ILKAP: variants seen among roughly 807,000 people sequenced by gnomAD.
ILKAP encodes the protein integrin-linked kinase-associated serine/threonine phosphatase 2C.
In ILKAP, 11 loss-of-function variants were observed where a neutral mutation model predicts 49.1. That is an observed-to-expected ratio of 0.22 (90% CI 0.14 to 0.37). The LOEUF is 0.37. ILKAP is among the 10% of genes least tolerant of loss of function. The probability of loss-of-function intolerance (pLI) is 1.00; values close to 1 mark genes in which losing one functional copy is unlikely to be tolerated. For missense variants in ILKAP, 363 were observed against 510.8 expected (o/e 0.71, Z 2.79); for synonymous variants, 186 against 192.8 (o/e 0.96, Z 0.29).
chr2:238,186,987 C>T (rs1419688026), intron 5 of ILKAP: 2 of 152,300 alleles, frequency 1.3e-5, no homozygotes, highest in Admixed American at 6.5e-5. Context: ...TATGGTGGCT[C>T]ATGCGAGTAA....
chr2:238,170,689 A>T lies in ILKAP; in HGVS notation c.1039-13T>A. 1 of 1,593,196 alleles carries T rather than the reference A, an allele frequency of 6.3e-7. No homozygotes were observed. Among genetic ancestry groups the T allele is most frequent in the Non-Finnish European group, 8.6e-7 (1 of 1,164,804 alleles). On this transcript the variant is annotated splice_polypyrimidine_tract_variant and intron_variant, in intron 11 of 11. Transcript: ENST00000254654. ...GGATCTTTTCATCCTACCAGATGAG[A>T]AAGGGAATGAGTGAATGGAGTGACC...
At chr2:238,197,646 C>T (rs1694400258) in intron 1 of ILKAP, among the ~76,000 whole-genome samples, 1 of 152,164 alleles carries the variant, frequency 6.6e-6, no homozygotes, top group Non-Finnish European at 1.5e-5. Context: ...GCCGCCTCTC[C>T]TCTGGCTACA....
intron 10 of ILKAP, among the ~76,000 whole-genome samples, chr2:238,171,956 G>A (rs1479779115): frequency 2.0e-5 from 3 of 152,138 alleles, no homozygotes; most frequent in East Asian, 1.9e-4. Context: ...TGGGGAATAC[G>A]CATCCCCACA....
At chr2:238,182,036 C>T in intron 9 of ILKAP, 29 bp downstream of exon 9, 1 of 1,611,104 alleles carries the variant, frequency 6.2e-7, no homozygotes, top group Non-Finnish European at 8.5e-7. Flanking sequence ...GCCCTCCTTC[C>T]CATGAGCTCC....
intron 9 of ILKAP, among the ~76,000 whole-genome samples, chr2:238,180,942 A>G (rs991562333): frequency 6.6e-6 from 1 of 152,256 alleles, no homozygotes; most frequent in East Asian, 1.9e-4. Context: ...GACTGTCCAC[A>G]GTAGTTACCA....
At chr2:238,182,392 C>T (rs1209259642) in intron 8 of ILKAP, among the ~76,000 whole-genome samples, 1 of 152,180 alleles carries the variant, frequency 6.6e-6, no homozygotes, top group African/African-American at 2.4e-5. Context: ...GAGAGTCGCC[C>T]CTGGTTTTGA....
intron 9 of ILKAP, among the ~76,000 whole-genome samples, chr2:238,175,995 T>C (rs964830217): frequency 2.2e-4 from 34 of 152,204 alleles, no homozygotes; most frequent in East Asian, 7.7e-4. Context: ...CTAGACACAA[T>C]AGAAAGCTGT....
Position 238,194,887 on chromosome 2 carries a change from C to G in ILKAP, c.56-17G>C, listed in dbSNP as rs1446153097. On this transcript the variant is annotated splice_polypyrimidine_tract_variant and intron_variant, in intron 1 of 11. Transcript: ENST00000254654. Reference sequence around the variant, plus strand: ...CTTCTTTCCCTAAAACACAGAAAACCTGTTTAGAGAGCATATGGTCATCAC... The same window carrying G: ...CTTCTTTCCCTAAAACACAGAAAACGTGTTTAGAGAGCATATGGTCATCAC... 6.3e-7 allele frequency: 1 copy of G among 1,597,274 alleles called. No homozygotes were observed. Among genetic ancestry groups the G allele is most frequent in the African/African-American group, 1.3e-5 (1 of 74,704 alleles).
intron 1 of ILKAP, among the ~76,000 whole-genome samples, chr2:238,201,276 G>C (rs1368263571): frequency 6.6e-6 from 1 of 152,050 alleles, no homozygotes; most frequent in African/African-American, 2.4e-5. Flanking sequence ...TCATCTTGTT[G>C]GTTGTAGCTA....
chr2:238,194,680 A>G (rs1176107697), intron 2 of ILKAP, 125 bp downstream of exon 2: 2 of 977,836 alleles, frequency 2.0e-6, no homozygotes, highest in Non-Finnish European at 3.1e-6. Context: ...CAAAACTTAA[A>G]GACAGTCCAA....
rs1041474842 is a variant in ILKAP, at chr2:238,185,351, C to T, written c.426-64G>A. On this transcript the variant is annotated intron_variant, in intron 5 of 11. Transcript: ENST00000254654. ...CAAAAACCACACTTTTCCATTAAAG[C>T]TTTTAAATTTCGTCTCAAAGAGTGA... is the stretch of plus-strand genomic sequence containing the variant. The T allele has an allele frequency of 9.2e-6, 10 of 1,082,080 alleles. No individual in the cohort carries two copies. The African/African-American group carries it at 1.1e-4, about 12-fold the overall frequency. The allele number at this position is 1,082,080 out of a possible 1,614,324, so 67.0% of individuals were successfully genotyped here.
rs375244863 is a variant in ILKAP, at chr2:238,172,775, C to T, written c.956+759G>A. On this transcript the variant is annotated intron_variant, in intron 10 of 11. Transcript: ENST00000254654. ...CCACTCGCCACAGTGCCACTAGTGT[C>T]TCTGGCCTCCCCTCATCAACTCAGT... Among the ~76,000 whole-genome samples the T allele has an allele frequency of 5.9e-5, 9 of 152,320 alleles. No individual in the cohort carries two copies. In the East Asian group the frequency reaches 7.7e-4, roughly 13 times the overall value.
intron 8 of ILKAP, among the ~76,000 whole-genome samples, chr2:238,183,102 C>T (rs963636670): frequency 6.6e-6 from 1 of 152,124 alleles, no homozygotes; most frequent in Non-Finnish European, 1.5e-5. Context: ...CGCAGCAGCA[C>T]CCTCTAGGCT....
At chr2:238,188,406 C>A (rs1693991367) in intron 4 of ILKAP, 149 bp from the exon 5 acceptor site, 5 of 877,644 alleles carry the variant, frequency 5.7e-6, no homozygotes, top group Non-Finnish European at 8.4e-6. Context: ...CTTAAGGCAT[C>A]TCCCCCAGCT....
intron 3 of ILKAP, among the ~76,000 whole-genome samples, chr2:238,191,054 A>C (rs143315088): frequency 9.7e-4 from 147 of 152,296 alleles, no homozygotes; most frequent in African/African-American, 3.4e-3. Flanking sequence ...TCCTGTGTTC[A>C]AGTGATCCTT....
intron 3 of ILKAP, among the ~76,000 whole-genome samples, chr2:238,193,046 T>G (rs1268567799): frequency 6.6e-6 from 1 of 152,142 alleles, no homozygotes; most frequent in Non-Finnish European, 1.5e-5. Context: ...TCTCTAGAAA[T>G]CTAAAACACT....
chr2:238,184,372 TAG>T (rs954383101), intron 6 of ILKAP, among the ~76,000 whole-genome samples: 11 of 152,202 alleles, frequency 7.2e-5, no homozygotes, highest in African/African-American at 2.4e-4. Flanking sequence ...GTGTTTTTAG[TAG>T]AGACAGGGTT....
chr2:238,188,831 A>G (rs767155185), intron 4 of ILKAP, among the ~76,000 whole-genome samples: 1 of 152,146 alleles, frequency 6.6e-6, no homozygotes, highest in Non-Finnish European at 1.5e-5. Context: ...ATTTAAGCTT[A>G]TTTTCTGATA....
intron 1 of ILKAP, among the ~76,000 whole-genome samples, chr2:238,202,539 C>T (rs1428839925): frequency 6.6e-6 from 1 of 152,154 alleles, no homozygotes; most frequent in African/African-American, 2.4e-5. Flanking sequence ...GTAACAGATT[C>T]GGAAACCCCA....
Sources: allele counts gnomAD v4.1 joint callset (sites outside exome capture counted in the v4.1 genomes callset), GRCh38; gene constraint gnomAD v4.1.1; transcripts MANE v1.5; gene names NCBI Gene and HGNC (gene_info 2026-07-23, HGNC 2026-07-21).